PLCL1: variants seen among roughly 807,000 people sequenced by gnomAD.
PLCL1 encodes the protein inactive phospholipase C-like protein 1.
A neutral mutation model predicts 84.4 loss-of-function variants in PLCL1; 41 were observed. That is an observed-to-expected ratio of 0.49 (90% confidence interval 0.38 to 0.63). The LOEUF is 0.63. Ranked by LOEUF, PLCL1 falls within the 30% of genes least tolerant of loss-of-function variation. PLCL1 has a pLI of 0.00. For missense variants in PLCL1, 1,206 were observed against 1,367.8 expected, an observed-to-expected ratio of 0.88 and a Z score of 1.87; for synonymous variants, 490 against 488.3, an observed-to-expected ratio of 1.00 and a Z score of -0.05.
intron 1 of PLCL1, among the ~76,000 whole-genome samples, chr2:198,032,825 T>C (rs1292649342): frequency 6.6e-6 from 1 of 152,188 alleles, no homozygotes. Context: ...TAATTATTAT[T>C]ATCTGGAAAA....
chr2:198,145,008 G>A (rs1694484334), intron 5 of PLCL1, among the ~76,000 whole-genome samples: 2 of 152,098 alleles, frequency 1.3e-5, no homozygotes, highest in Non-Finnish European at 2.9e-5. Context: ...TTTTTAATCA[G>A]TAAATTGAGA....
intron 1 of PLCL1, among the ~76,000 whole-genome samples, chr2:198,024,219 G>A (rs1200936569): frequency 9.2e-5 from 14 of 152,194 alleles, no homozygotes; most frequent in African/African-American, 2.9e-4. Flanking sequence ...GGCACATGGA[G>A]GGGAACGTCA....
At chr2:197,810,769 C>T (rs139209605) in intron 1 of PLCL1, among the ~76,000 whole-genome samples, 1,569 of 152,302 alleles carry the variant, frequency 0.01, 22 homozygotes, top group African/African-American at 0.036. Flanking sequence ...GTCTTCTTTG[C>T]GCCCTCACTC....
chr2:198,014,972 C>A (rs1315153808), intron 1 of PLCL1, among the ~76,000 whole-genome samples: 2 of 152,078 alleles, frequency 1.3e-5, no homozygotes, highest in Non-Finnish European at 2.9e-5. Context: ...GTGAAGTTAT[C>A]CATATTGCTT....
intron 1 of PLCL1, among the ~76,000 whole-genome samples, chr2:197,928,949 T>A (rs1688881865): frequency 6.6e-6 from 1 of 152,194 alleles, no homozygotes; most frequent in Non-Finnish European, 1.5e-5. Context: ...TTATATTGTT[T>A]CCCCTTTGGT....
chr2:197,986,983 T>C, intron 1 of PLCL1, among the ~76,000 whole-genome samples: 1 of 152,210 alleles, frequency 6.6e-6, no homozygotes, highest in East Asian at 1.9e-4. Context: ...CATACAACTC[T>C]AAAGGGTGAA....
chr2:198,066,949 G>A (rs535666500), intron 1 of PLCL1, among the ~76,000 whole-genome samples: 4 of 152,112 alleles, frequency 2.6e-5, no homozygotes, highest in African/African-American at 7.2e-5. Context: ...TAAATTACAT[G>A]TTTGTGTGAT....
intron 1 of PLCL1, among the ~76,000 whole-genome samples, chr2:197,877,265 C>A (rs1345282550): frequency 6.6e-6 from 1 of 152,002 alleles, no homozygotes; most frequent in Non-Finnish European, 1.5e-5. Flanking sequence ...GCCTTAGATC[C>A]TTTCTCTTTT....
chr2:197,998,757 C>T lies in PLCL1; in HGVS notation c.241-85001C>T, dbSNP rs1168727341. On this transcript the variant is annotated intron_variant, in intron 1 of 5. Transcript: ENST00000428675. ...GTTAGCATGTGCTCATTCACCCACT[C>T]CTTTTTATGGCCCTTGGATTCACCC... Among the ~76,000 whole-genome samples, 3 of 152,180 alleles carry T rather than the reference C, an allele frequency of 2.0e-5. No individual in the cohort carries two copies. The East Asian group carries it at 5.8e-4, about 29-fold the overall frequency.
In PLCL1 at chr2:197,824,993, C is replaced by T. The variant is rs1164719316; in HGVS notation, c.240+19654C>T. Among the ~76,000 whole-genome samples the T allele has an allele frequency of 2.6e-5, 4 of 152,112 alleles. No homozygotes were observed. In the East Asian group the frequency reaches 7.7e-4, roughly 29 times the overall value. ...ATAAGTAATAATTTGGTTAAGGAAG[C>T]AATATTGCCTTTTTTTTCTGCAGGT... On this transcript the variant is annotated intron_variant, in intron 1 of 5. Coordinates refer to ENST00000428675, the MANE Select transcript of PLCL1 (RefSeq NM_006226.4).
chr2:198,087,630 AG>A (rs1692917001), intron 2 of PLCL1, among the ~76,000 whole-genome samples: 1 of 149,742 alleles, frequency 6.7e-6, no homozygotes, highest in South Asian at 2.2e-4. Context: ...ATAGAACAAC[AG>A]GGTGACTATA....
intron 1 of PLCL1, among the ~76,000 whole-genome samples, chr2:197,980,944 G>A (rs571444055): frequency 6.6e-5 from 10 of 152,248 alleles, no homozygotes; most frequent in Admixed American, 5.2e-4. Flanking sequence ...GAGATCTGGG[G>A]GAAGGATGTT....
At chr2:198,135,886 C>T (rs760853596) in intron 5 of PLCL1, among the ~76,000 whole-genome samples, 9 of 152,138 alleles carry the variant, frequency 5.9e-5, no homozygotes, top group African/African-American at 1.4e-4. Flanking sequence ...TAGTGAGCAA[C>T]GCTTTGGTGT....
intron 1 of PLCL1, among the ~76,000 whole-genome samples, chr2:198,046,392 G>A (rs770790083): frequency 1.3e-5 from 2 of 152,162 alleles, no homozygotes; most frequent in Non-Finnish European, 2.9e-5. Flanking sequence ...AAACCTGGCC[G>A]AATAGGAACA....
intron 1 of PLCL1, among the ~76,000 whole-genome samples, chr2:197,879,860 T>A (rs757819929): frequency 9.2e-5 from 14 of 152,170 alleles, no homozygotes; most frequent in Non-Finnish European, 1.6e-4. Flanking sequence ...TGCAGTTTGA[T>A]TAAGATAGAG....
chr2:197,981,250 T>C (rs183012839), intron 1 of PLCL1, among the ~76,000 whole-genome samples: 3 of 152,270 alleles, frequency 2.0e-5, no homozygotes, highest in Admixed American at 6.5e-5. Context: ...TGAGTGGAGA[T>C]TGGGGAATTT....
chr2:198,087,806 T>A (rs925305820), intron 2 of PLCL1, among the ~76,000 whole-genome samples: 4 of 152,144 alleles, frequency 2.6e-5, no homozygotes, highest in African/African-American at 9.7e-5. Context: ...TAAATATATA[T>A]ACCTACTATG....
chr2:197,864,131 G>A (rs1032751262), intron 1 of PLCL1, among the ~76,000 whole-genome samples: 2 of 152,152 alleles, frequency 1.3e-5, no homozygotes, highest in Non-Finnish European at 2.9e-5. Flanking sequence ...AATAATGCCT[G>A]ATAAAGATAT....
At chr2:197,866,401 T>A in intron 1 of PLCL1, among the ~76,000 whole-genome samples, 1 of 151,860 alleles carries the variant, frequency 6.6e-6, no homozygotes, top group Non-Finnish European at 1.5e-5. Context: ...ATTGAATTAA[T>A]TTGTCACTTA....
Sources: gnomAD v4.1 joint callset for allele counts (sites outside exome capture counted in the v4.1 genomes callset) on GRCh38, gnomAD v4.1.1 for gene constraint, MANE v1.5 for transcripts, NCBI Gene and HGNC (gene_info 2026-07-23, HGNC 2026-07-21) for gene names.